ROBO1: variants seen among roughly 807,000 people sequenced by gnomAD.
ROBO1 encodes roundabout guidance receptor 1, also known as roundabout homolog 1.
In ROBO1, 149 loss-of-function variants were observed where a neutral mutation model predicts 195.9. That is an observed-to-expected ratio of 0.76 (90% confidence interval 0.67 to 0.87). The LOEUF is 0.87. ROBO1 is among the 40% of genes least tolerant of loss of function. The probability of loss-of-function intolerance (pLI) is 0.00; values close to 1 mark genes in which losing one functional copy is unlikely to be tolerated. For synonymous variants in ROBO1, 816 were observed against 733.2 expected (o/e 1.11, Z -1.82); for missense variants, 1,933 against 2,068.3 (o/e 0.93, Z 1.27).
chr3:79,205,372 A>G (rs1323910700), intron 2 of ROBO1, among the ~76,000 whole-genome samples: 1 of 152,114 alleles, frequency 6.6e-6, no homozygotes, highest in Non-Finnish European at 1.5e-5. Context: ...AAACTGTAAG[A>G]TTTTGGATCA....
chr3:79,650,441 T>C (rs1022171870), intron 1 of ROBO1, among the ~76,000 whole-genome samples: 3 of 151,766 alleles, frequency 2.0e-5, no homozygotes, highest in Non-Finnish European at 4.4e-5. Flanking sequence ...AGGTATTACA[T>C]ATACTGATAT....
chr3:78,654,379 C>G (rs898360117), intron 18 of ROBO1, among the ~76,000 whole-genome samples: 1 of 152,198 alleles, frequency 6.6e-6, no homozygotes, highest in African/African-American at 2.4e-5. Flanking sequence ...CTGCCTTTCT[C>G]TGTTTGTTGA....
intron 2 of ROBO1, among the ~76,000 whole-genome samples, chr3:79,494,818 G>A (rs1939644320): frequency 6.6e-6 from 1 of 152,166 alleles, no homozygotes; most frequent in Admixed American, 6.5e-5. Context: ...AACAGTTACT[G>A]CAGGAAAAAC....
intron 3 of ROBO1, among the ~76,000 whole-genome samples, chr3:79,101,278 T>C (rs1029844609): frequency 4.0e-5 from 6 of 151,812 alleles, no homozygotes; most frequent in African/African-American, 1.4e-4. Flanking sequence ...TGAGAACAAA[T>C]GTAGCCACAA....
intron 2 of ROBO1, among the ~76,000 whole-genome samples, chr3:79,290,991 T>A (rs377590812): frequency 2.0e-5 from 3 of 152,216 alleles, no homozygotes; most frequent in African/African-American, 7.2e-5. Flanking sequence ...AAAAGAATAT[T>A]ATAAACCTGC....
chr3:79,057,283 C>T (rs980965776), intron 3 of ROBO1, among the ~76,000 whole-genome samples: 3 of 152,030 alleles, frequency 2.0e-5, no homozygotes, highest in Admixed American at 2.0e-4. Context: ...TTCCCCAAAC[C>T]TTTAAATATT....
intron 3 of ROBO1, among the ~76,000 whole-genome samples, chr3:78,978,261 T>G (rs1418895374): frequency 2.6e-5 from 4 of 151,984 alleles, no homozygotes; most frequent in Non-Finnish European, 4.4e-5. Flanking sequence ...AGTGGGGGGA[T>G]GGAGAAATGA....
chr3:79,581,039 G>A (rs531243451), intron 2 of ROBO1, among the ~76,000 whole-genome samples: 2 of 152,156 alleles, frequency 1.3e-5, no homozygotes, highest in Non-Finnish European at 2.9e-5. Context: ...ATGAGAGAAA[G>A]CAGAATAAAT....
chr3:79,063,288 T>A (rs1024361164), intron 3 of ROBO1, among the ~76,000 whole-genome samples: 5 of 151,986 alleles, frequency 3.3e-5, no homozygotes, highest in African/African-American at 1.2e-4. Flanking sequence ...TTGCTGGTTA[T>A]GAAGATAGCT....
chr3:79,422,705 T>C (rs2038277782), intron 2 of ROBO1, among the ~76,000 whole-genome samples: 2 of 152,172 alleles, frequency 1.3e-5, no homozygotes, highest in South Asian at 2.1e-4. Flanking sequence ...TGCAATTTAC[T>C]TGAGTTTTAA....
At chr3:79,179,224 T>C (rs1408368356) in intron 2 of ROBO1, among the ~76,000 whole-genome samples, 4 of 152,206 alleles carry the variant, frequency 2.6e-5, no homozygotes, top group African/African-American at 4.8e-5. Context: ...AATTGTTCAA[T>C]GTTACAGATA....
chr3:79,691,524 A>G (rs1291594165), intron 1 of ROBO1, among the ~76,000 whole-genome samples: 2 of 151,708 alleles, frequency 1.3e-5, no homozygotes, highest in Non-Finnish European at 2.9e-5. Flanking sequence ...ATGCATTACT[A>G]CTATTTCAGA....
At chr3:79,126,528 T>C (rs1459159939) in intron 2 of ROBO1, among the ~76,000 whole-genome samples, 1 of 152,176 alleles carries the variant, frequency 6.6e-6, no homozygotes, top group Non-Finnish European at 1.5e-5. Flanking sequence ...GCAGTGTTTA[T>C]AGGTCTGCTA....
At chr3:78,755,765 C>T (rs577578025) in intron 4 of ROBO1, among the ~76,000 whole-genome samples, 13 of 152,072 alleles carry the variant, frequency 8.5e-5, no homozygotes, top group African/African-American at 2.2e-4. Flanking sequence ...AATCCTTCTA[C>T]GAGGAGGAAC....
At chr3:79,546,537 G>A (rs77274380) in intron 2 of ROBO1, among the ~76,000 whole-genome samples, 32 of 152,256 alleles carry the variant, frequency 2.1e-4, no homozygotes, top group African/African-American at 7.7e-4. Context: ...TTGGCTACAT[G>A]TTTAGAAAGC....
intron 1 of ROBO1, among the ~76,000 whole-genome samples, chr3:79,751,817 C>T (rs932635295): frequency 6.6e-6 from 1 of 152,100 alleles, no homozygotes; most frequent in African/African-American, 2.4e-5. Context: ...GGGTATTAGA[C>T]AACCATTATA....
At chr3:79,492,119 T>A (rs559518234) in intron 2 of ROBO1, among the ~76,000 whole-genome samples, 1 of 151,966 alleles carries the variant, frequency 6.6e-6, no homozygotes, top group Non-Finnish European at 1.5e-5. Flanking sequence ...TAGGACGTAG[T>A]TTTGCACCAC....
intron 2 of ROBO1, among the ~76,000 whole-genome samples, chr3:79,518,491 G>C (rs1229636041): frequency 6.6e-6 from 1 of 152,032 alleles, no homozygotes; most frequent in African/African-American, 2.4e-5. Flanking sequence ...AAAAGGTCTA[G>C]TTTCTCAGTA....
intron 3 of ROBO1, among the ~76,000 whole-genome samples, chr3:78,972,890 C>T (rs953766941): frequency 2.6e-5 from 4 of 152,144 alleles, no homozygotes; most frequent in Non-Finnish European, 2.9e-5. Flanking sequence ...CTACCTGGAG[C>T]TGGCAGGGGA....
Sources: gnomAD v4.1 joint callset for allele counts (sites outside exome capture counted in the v4.1 genomes callset) on GRCh38, gnomAD v4.1.1 for gene constraint, MANE v1.5 for transcripts, NCBI Gene and HGNC (gene_info 2026-07-23, HGNC 2026-07-21) for gene names.